The following CELF5 variants were observed in gnomAD, a reference collection of about 807,000 sequenced individuals.
The protein encoded by CELF5 is CUG-BP and ETR-3 like factor 5.
In CELF5, 6 loss-of-function variants were observed where a neutral mutation model predicts 54.9. That is an observed-to-expected ratio of 0.11 (90% CI 0.06 to 0.22). The LOEUF (loss-of-function observed/expected upper bound fraction) is 0.22, where lower values mean the gene tolerates loss of function less well. Ranked by LOEUF, CELF5 falls within the 10% of genes least tolerant of loss-of-function variation. The pLI, the probability that CELF5 is intolerant of heterozygous loss-of-function variation, is 1.00. For missense variants in CELF5, 401 were observed against 678.6 expected (o/e 0.59, Z 4.54); for synonymous variants, 271 against 290.9 (o/e 0.93, Z 0.70).
intron 11 of CELF5, among the ~76,000 whole-genome samples, chr19:3,290,867 A>G (rs555123717): frequency 4.6e-4 from 69 of 151,446 alleles, no homozygotes; most frequent in African/African-American, 1.6e-3. Flanking sequence ...CGCCTGGCCA[A>G]TCCCAGCACT....
chr19:3,253,020 G>A (rs751539155), intron 2 of CELF5, among the ~76,000 whole-genome samples: 16 of 151,716 alleles, frequency 1.1e-4, no homozygotes, highest in African/African-American at 3.1e-4. Flanking sequence ...TAGAGTCTGC[G>A]GTAAATTCCC....
chr19:3,240,607 C>T (rs1304367078), intron 1 of CELF5, among the ~76,000 whole-genome samples: 2 of 151,962 alleles, frequency 1.3e-5, no homozygotes, highest in African/African-American at 2.4e-5. Context: ...GGATTACAGA[C>T]GTGAGCCACT....
chr19:3,266,855 C>G (rs542353559), intron 2 of CELF5, among the ~76,000 whole-genome samples: 191 of 152,300 alleles, frequency 1.3e-3, no homozygotes, highest in African/African-American at 4.3e-3. Context: ...TGAGCACGCT[C>G]GCTCATCTGA....
intron 1 of CELF5, among the ~76,000 whole-genome samples, chr19:3,232,554 G>A (rs371925070): frequency 2.7e-4 from 41 of 151,382 alleles, no homozygotes; most frequent in African/African-American, 9.5e-4. Context: ...GAGTGAGTCT[G>A]TAAAGAAAAA....
chr19:3,281,069 TG>T lies in CELF5; in HGVS notation c.604-128del. 1 of 1,129,116 alleles carries T rather than the reference TG, an allele frequency of 8.9e-7. No individual in the cohort carries two copies. The highest frequency in any genetic ancestry group is 1.4e-5 in the South Asian group (1 of 70,818). The allele number at this position is 1,129,116 out of a possible 1,614,324, so 69.9% of individuals were successfully genotyped here. A position where few individuals can be genotyped will look rare whatever the true frequency, so the allele number is the denominator to read the frequency against. ...CCCTGGCTCCTGGGGTGGGGGCCCG[TG>T]GACATGGCTGACAGCCACTGGCATT... On this transcript the variant is annotated intron_variant, in intron 5 of 12. Coordinates refer to ENST00000292672, the MANE Select transcript of CELF5 (RefSeq NM_021938.4). This position sits in a 1 kb window ranked among gnomAD's most constrained non-coding sequence, Gnocchi z 6.5.
intron 11 of CELF5, among the ~76,000 whole-genome samples, chr19:3,291,150 C>T (rs1046846171): frequency 1.2e-4 from 18 of 151,792 alleles, no homozygotes; most frequent in Admixed American, 1.2e-3. Flanking sequence ...CTGGTAGTCT[C>T]AGCTACTTGG....
intron 2 of CELF5, among the ~76,000 whole-genome samples, chr19:3,265,084 C>T (rs931709375): frequency 6.6e-6 from 1 of 152,100 alleles, no homozygotes; most frequent in African/African-American, 2.4e-5. Context: ...CACCTGTAAT[C>T]CCGGTGCTTT....
intron 2 of CELF5, among the ~76,000 whole-genome samples, chr19:3,259,395 CA>C (rs1568344201): frequency 1.1e-4 from 17 of 151,752 alleles, no homozygotes. Flanking sequence ...CTGCAGTGCC[CA>C]GGACGGCCCC....
chr19:3,242,964 AAAT>A (rs144976289), intron 1 of CELF5, among the ~76,000 whole-genome samples: 44,007 of 149,794 alleles, frequency 0.29, 6,987 homozygotes, highest in East Asian at 0.68. Context: ...ACTCCATCTC[AAAT>A]AATAATAATA....
intron 1 of CELF5, among the ~76,000 whole-genome samples, chr19:3,234,032 GGGT>G (rs1917401213): frequency 6.6e-6 from 1 of 152,150 alleles, no homozygotes; most frequent in South Asian, 2.1e-4. Context: ...CAGCCTTTGA[GGGT>G]GGGGTCTTTA....
In CELF5 at chr19:3,281,357, A is replaced by G; in HGVS notation, c.750+12A>G. 1 of 1,590,750 alleles carries G rather than the reference A, an allele frequency of 6.3e-7. No homozygotes were observed. The highest frequency in any genetic ancestry group is 1.1e-5 in the South Asian group (1 of 90,736). On this transcript the variant is annotated intron_variant, in intron 6 of 12. Transcript: ENST00000292672. The surrounding 1 kb of genome is among the most constrained non-coding windows in gnomAD (Gnocchi z 6.5). ...CCTACGCCCAGGCTGTGAGTGACCC[A>G]GTGACAGCTTCGGGGCTCCGGCTCC...
Position 3,228,961 on chromosome 19 carries a change from G to T in CELF5, c.259+3963G>T, listed in dbSNP as rs1005259796. Among the ~76,000 whole-genome samples the T allele has an allele frequency of 2.0e-5, 3 of 151,260 alleles. No individual in the cohort carries two copies. The highest frequency in any genetic ancestry group is 7.3e-5 in the African/African-American group (3 of 41,122). ...AGGACTCCTGCCGGGGTGCTGTGTG[G>T]CTTCAAGCTGAGCGCGCCCCTCTCT... On this transcript the variant is annotated intron_variant, in intron 1 of 12. Transcript: ENST00000292672. The surrounding 1 kb of genome is among the most constrained non-coding windows in gnomAD (Gnocchi z 6.0).
intron 2 of CELF5, among the ~76,000 whole-genome samples, chr19:3,264,304 T>TC (rs2079849990): frequency 3.3e-4 from 2 of 6,038 alleles, no homozygotes; most frequent in African/African-American, 3.3e-3. Flanking sequence ...GCACTAGGTG[T>TC]TTTTTTTTTT....
At chr19:3,285,801 T>G in intron 9 of CELF5, 141 bp from the exon 10 acceptor site, 2 of 20,228 alleles carry the variant, frequency 9.9e-5, no homozygotes, top group Non-Finnish European at 9.4e-5. Flanking sequence ...CCCCAAACCC[T>G]CCCCACAAAG....
At position 3,286,009 on chromosome 19, in the gene CELF5, G is replaced by T; in HGVS notation, c.1170G>T (p.Gln390His). ...TCCCCCAGCCGCCGCCCCTCCTGCA[G>T]CAGCAGCAGCGAGAAGGTGAGGCGG... Reference protein sequence around the residue: ...HSVPQPPPLLQQQQREGPEGC... With the variant: ...HSVPQPPPLLHQQQREGPEGC... The change falls in exon 10 of 13, where the codon CAG becomes CAT. Residue 390 changes from glutamine (Q) to histidine (H), a missense_variant. Gln to His is a conservative substitution (Grantham distance 24). Around this residue, in one of 6 missense-constraint regions of CELF5, gnomAD observed 143 missense variants for 147.6 expected, o/e 0.97. Transcript: ENST00000292672. 6.3e-7 allele frequency: 1 copy of T among 1,583,192 alleles called. No homozygotes were observed. The highest frequency in any genetic ancestry group is 8.5e-7 in the Non-Finnish European group (1 of 1,172,592).
intron 1 of CELF5, among the ~76,000 whole-genome samples, chr19:3,232,093 T>C (rs1917294175): frequency 6.6e-6 from 1 of 152,066 alleles, no homozygotes; most frequent in Non-Finnish European, 1.5e-5. Flanking sequence ...AATACGAATG[T>C]TCAGAACCTT....
At chr19:3,269,918 G>A (rs1221752628) in intron 2 of CELF5, among the ~76,000 whole-genome samples, 3 of 152,144 alleles carry the variant, frequency 2.0e-5, no homozygotes, top group Admixed American at 6.5e-5. Context: ...GTCTTGGTTT[G>A]CCCATCTGTA....
rs202042274 is a variant in CELF5, at chr19:3,243,711, G to T, written c.260-7274G>T. On this transcript the variant is annotated intron_variant, in intron 1 of 12. Transcript: ENST00000292672. ...CAGAAATTTATTTTTGCTCAGTTCT[G>T]GAGGCCAGAAGTTCGAAATCAAGGT... Among the ~76,000 whole-genome samples, 18 of 152,204 alleles carry T rather than the reference G, an allele frequency of 1.2e-4. No homozygotes were observed. The East Asian group carries it at 3.3e-3, about 28-fold the overall frequency.
Position 3,282,182 on chromosome 19 carries a change from C to A in CELF5, c.807C>A (p.Gly269=). The A allele has an allele frequency of 6.2e-7, 1 of 1,614,184 alleles. No homozygotes were observed. Residue 269 remains glycine (G), a synonymous_variant, in exon 7 of 13, where the codon GGC becomes GGA. Transcript: ENST00000292672. This position sits in a 1 kb window ranked among gnomAD's most constrained non-coding sequence, Gnocchi z 5.2. ...CCTCGGGCAGCTACCTGAGTCCCGG[C>A]GTGGCCTTCTCACCCTGTCACATCC... ...LSTSGSYLSP[G]VAFSPCHIQQ...
Sources: allele counts gnomAD v4.1 joint callset (sites outside exome capture counted in the v4.1 genomes callset), GRCh38; gene constraint gnomAD v4.1.1; regional missense constraint gnomAD v4.1.1; non-coding constraint Gnocchi (gnomAD v3.1); transcripts MANE v1.5; gene names NCBI Gene and HGNC (gene_info 2026-07-23, HGNC 2026-07-21).